TIAM1: variants seen among roughly 807,000 people sequenced by gnomAD.
TIAM1 encodes rho guanine nucleotide exchange factor TIAM1.
In TIAM1, 65 loss-of-function variants were observed where a neutral mutation model predicts 163.5. The observed-to-expected ratio is 0.40, with a 90% CI of 0.33 to 0.49. The LOEUF (loss-of-function observed/expected upper bound fraction) is 0.49, where lower values mean the gene tolerates loss of function less well. Ranked by LOEUF, TIAM1 falls within the 20% of genes least tolerant of loss-of-function variation. The pLI is 0.77. For synonymous variants in TIAM1, 833 were observed against 810.1 expected (o/e 1.03, Z -0.48); for missense variants, 1,789 against 2,044.7 (o/e 0.87, Z 2.41).
chr21:31,247,279 C>T (rs1349697947), intron 5 of TIAM1, among the ~76,000 whole-genome samples: 1 of 151,878 alleles, frequency 6.6e-6, no homozygotes, highest in Non-Finnish European at 1.5e-5. Context: ...CCACTGCACT[C>T]CAGCCTGGGC....
chr21:31,319,435 C>A (rs1330211910), intron 2 of TIAM1, among the ~76,000 whole-genome samples: 1 of 151,992 alleles, frequency 6.6e-6, no homozygotes, highest in Non-Finnish European at 1.5e-5. Context: ...CACAAGGGTT[C>A]GAATTTCTCC....
chr21:31,284,437 T>C (rs1288799306), intron 2 of TIAM1, among the ~76,000 whole-genome samples: 1 of 152,154 alleles, frequency 6.6e-6, no homozygotes, highest in Non-Finnish European at 1.5e-5. Flanking sequence ...CCACACTTCC[T>C]AGGACACACA....
At chr21:31,475,029 TTA>T (rs1569364307) in intron 1 of TIAM1, among the ~76,000 whole-genome samples, 1 of 59,620 alleles carries the variant, frequency 1.7e-5, no homozygotes. Context: ...TAGTTTTTTA[TTA>T]TTATTATTAT....
chr21:31,546,249 A>C (rs2048485892), intron 1 of TIAM1, among the ~76,000 whole-genome samples: 1 of 151,522 alleles, frequency 6.6e-6, no homozygotes, highest in Non-Finnish European at 1.5e-5. Context: ...AAGGAAAAAA[A>C]AATGTTAAAA....
intron 2 of TIAM1, among the ~76,000 whole-genome samples, chr21:31,410,569 G>C (rs1048938441): frequency 4.9e-4 from 75 of 152,112 alleles, no homozygotes; most frequent in Non-Finnish European, 2.4e-4. Context: ...GAGCAACTGT[G>C]TAAGAATGTG....
In TIAM1 at chr21:31,489,760, C is replaced by A. The variant is rs146172863; in HGVS notation, c.-421-25725G>T. On this transcript the variant is annotated intron_variant, in intron 1 of 28. Coordinates refer to the TIAM1 transcript ENST00000286827. Reference sequence around the variant, plus strand: ...TGTCAGCTCCTCATCCATCTCAGGGCAGACAGTCCCCAGAGGGAGAGCCCT... The same window carrying A: ...TGTCAGCTCCTCATCCATCTCAGGGAAGACAGTCCCCAGAGGGAGAGCCCT... 2.6e-3 allele frequency among the ~76,000 whole-genome samples: 394 copies of A among 152,224 alleles called. 2 individuals carry two copies. Among genetic ancestry groups the A allele is most frequent in the African/African-American group, 9.2e-3 (383 of 41,542 alleles).
At chr21:31,439,207 C>A (rs2044330725) in intron 2 of TIAM1, among the ~76,000 whole-genome samples, 1 of 152,152 alleles carries the variant, frequency 6.6e-6, no homozygotes, top group South Asian at 2.1e-4. Flanking sequence ...AGACTTGGCC[C>A]CAAGAGACCC....
chr21:31,128,619 G>A (rs569254685), intron 25 of TIAM1, among the ~76,000 whole-genome samples: 1 of 152,262 alleles, frequency 6.6e-6, no homozygotes, highest in East Asian at 1.9e-4. Flanking sequence ...GCTATGTATT[G>A]CTGCCCTAGA....
chr21:31,391,316 A>G (rs2076961307), intron 2 of TIAM1, among the ~76,000 whole-genome samples: 1 of 152,104 alleles, frequency 6.6e-6, no homozygotes, highest in African/African-American at 2.4e-5. Context: ...CTCTGAATCC[A>G]GCTTTCCAAG....
rs539523862 is a variant in TIAM1 at position 31,463,468 on chromosome 21, T to C, written c.-369+515A>G. Among the ~76,000 whole-genome samples, 24 of 152,216 alleles carry C rather than the reference T, an allele frequency of 1.6e-4. No homozygotes were observed. In the East Asian group the frequency reaches 3.5e-3, roughly 22 times the overall value. On this transcript the variant is annotated intron_variant, in intron 2 of 28. Coordinates refer to the TIAM1 transcript ENST00000286827. Reference sequence around the variant, plus strand: ...CACCCTCATCACTGTCACCTCCTAATTGGTCTCCCTGACTTTGCTCTTGCC... The same window carrying C: ...CACCCTCATCACTGTCACCTCCTAACTGGTCTCCCTGACTTTGCTCTTGCC...
At chr21:31,388,259 A>ACAC (rs1555964695) in intron 2 of TIAM1, among the ~76,000 whole-genome samples, 3,523 of 98,118 alleles carry the variant, frequency 0.036, 73 homozygotes, top group Non-Finnish European at 0.049. Context: ...ACACACACAC[A>ACAC]ACCTCTTACG....
intron 2 of TIAM1, among the ~76,000 whole-genome samples, chr21:31,314,076 A>T (rs1362941879): frequency 1.3e-5 from 2 of 152,182 alleles, no homozygotes; most frequent in Admixed American, 6.5e-5. Flanking sequence ...TACGCTATGA[A>T]TTTTACATAT....
chr21:31,211,892 T>C (rs2086901340), intron 10 of TIAM1, among the ~76,000 whole-genome samples: 1 of 152,144 alleles, frequency 6.6e-6, no homozygotes, highest in Non-Finnish European at 1.5e-5. Context: ...AAACCAAAAA[T>C]GCTACACAGA....
At chr21:31,295,806 G>A (rs2074237543) in intron 2 of TIAM1, among the ~76,000 whole-genome samples, 1 of 152,134 alleles carries the variant, frequency 6.6e-6, no homozygotes, top group Non-Finnish European at 1.5e-5. Flanking sequence ...TCTTGACTCT[G>A]ATTATTTTTG....
chr21:31,533,766 G>C (rs1288411081), intron 1 of TIAM1, among the ~76,000 whole-genome samples: 1 of 152,112 alleles, frequency 6.6e-6, no homozygotes, highest in East Asian at 1.9e-4. Context: ...TACTGAGATA[G>C]CAAACATTCT....
intron 2 of TIAM1, among the ~76,000 whole-genome samples, chr21:31,359,268 CAATT>C (rs1371033331): frequency 6.6e-6 from 1 of 152,100 alleles, no homozygotes; most frequent in African/African-American, 2.4e-5. Context: ...AATTAATAAA[CAATT>C]ATTTATTTTT....
chr21:31,310,775 A>G (rs1254587827), intron 2 of TIAM1, among the ~76,000 whole-genome samples: 1 of 152,226 alleles, frequency 6.6e-6, no homozygotes, highest in Admixed American at 6.5e-5. Context: ...TTGTTAGCGT[A>G]GCCAAAAACC....
chr21:31,170,132 C>T (rs569863376), intron 15 of TIAM1, among the ~76,000 whole-genome samples: 2 of 152,098 alleles, frequency 1.3e-5, no homozygotes, highest in African/African-American at 4.8e-5. Context: ...AAAAACAGTG[C>T]AAAACAAAGC....
At chr21:31,416,274 G>A (rs940002678) in intron 2 of TIAM1, among the ~76,000 whole-genome samples, 3 of 152,092 alleles carry the variant, frequency 2.0e-5, no homozygotes, top group Non-Finnish European at 2.9e-5. Context: ...GCTAGTCTTC[G>A]AAGCACCCTG....
Sources: allele counts gnomAD v4.1 joint callset (sites outside exome capture counted in the v4.1 genomes callset), GRCh38; gene constraint gnomAD v4.1.1; transcripts MANE v1.5; gene names NCBI Gene and HGNC (gene_info 2026-07-23, HGNC 2026-07-21).